Variants in KCNK13 observed in about 807,000 individuals in gnomAD.
KCNK13 encodes the protein potassium channel subfamily K member 13.
A neutral mutation model predicts 23.4 loss-of-function variants in KCNK13; 12 were observed. The ratio of observed to expected loss-of-function variants is 0.51; its 90% CI spans 0.33 to 0.83. KCNK13 has a LOEUF of 0.83. Among genes scored for constraint, KCNK13 ranks in the 40% least tolerant of loss-of-function variants. The pLI, the probability that KCNK13 is intolerant of heterozygous loss-of-function variation, is 0.02. For synonymous variants in KCNK13, 231 were observed against 229.5 expected (o/e 1.01, Z -0.06); for missense variants, 463 against 556.3 (o/e 0.83, Z 1.69).
chr14:90,105,652 G>GT (rs1027664321), intron 1 of KCNK13, among the ~76,000 whole-genome samples: 67 of 145,568 alleles, frequency 4.6e-4, no homozygotes, highest in South Asian at 1.3e-3. Flanking sequence ...CAAGGAAGTT[G>GT]TTTTTTTTTT....
At position 90,075,812 on chromosome 14, in the gene KCNK13, C is replaced by T. The variant is rs565607122; in HGVS notation, c.334+13273C>T. 5.3e-5 allele frequency among the ~76,000 whole-genome samples: 8 copies of T among 152,276 alleles called. No homozygotes were observed. The East Asian group carries it at 1.2e-3, about 22-fold the overall frequency. On this transcript the variant is annotated intron_variant, in intron 1 of 1. Transcript: ENST00000282146. The stretch of plus-strand genomic sequence containing the variant: ...TATCTTTTTTGATCTTCCCATCTTT[C>T]TCTCTAGTTTCATTCTTCTCATGCC...
At chr14:90,162,934 C>G (rs1890266265) in intron 1 of KCNK13, among the ~76,000 whole-genome samples, 1 of 152,092 alleles carries the variant, frequency 6.6e-6, no homozygotes, top group South Asian at 2.1e-4. Context: ...ATAAGAAAAA[C>G]CATAAATACC....
intron 1 of KCNK13, among the ~76,000 whole-genome samples, chr14:90,130,361 G>A (rs990444151): frequency 1.3e-4 from 20 of 151,552 alleles, no homozygotes; most frequent in African/African-American, 3.9e-4. Flanking sequence ...CACCACGCCC[G>A]GCTAATTTTT....
chr14:90,139,060 A>G (rs1246622719), intron 1 of KCNK13, among the ~76,000 whole-genome samples: 1 of 152,184 alleles, frequency 6.6e-6, no homozygotes, highest in Non-Finnish European at 1.5e-5. Context: ...CTCTAGAAGG[A>G]TAGAATCACA....
chr14:90,118,545 G>C (rs902206315), intron 1 of KCNK13, among the ~76,000 whole-genome samples: 2 of 152,158 alleles, frequency 1.3e-5, no homozygotes, highest in African/African-American at 4.8e-5. Context: ...TGGCTTTTAT[G>C]AATAGTGCTG....
intron 1 of KCNK13, among the ~76,000 whole-genome samples, chr14:90,104,675 A>G (rs759261451): frequency 8.6e-5 from 13 of 150,620 alleles, no homozygotes; most frequent in Non-Finnish European, 1.9e-4. Context: ...GATTAAGCCC[A>G]AGGGAGACGC....
chr14:90,149,651 G>A (rs767360754), intron 1 of KCNK13, among the ~76,000 whole-genome samples: 5 of 152,294 alleles, frequency 3.3e-5, no homozygotes, highest in Non-Finnish European at 5.9e-5. Flanking sequence ...ATTTGGGTGG[G>A]GACACAGCCA....
At chr14:90,174,073 G>A (rs542573157) in intron 1 of KCNK13, among the ~76,000 whole-genome samples, 15 of 152,192 alleles carry the variant, frequency 9.9e-5, no homozygotes, top group Middle Eastern at 6.8e-3. Context: ...TTGGGAGGCC[G>A]AGGCGGGCGG....
chr14:90,160,459 C>T (rs956084751), intron 1 of KCNK13, among the ~76,000 whole-genome samples: 9 of 152,104 alleles, frequency 5.9e-5, no homozygotes, highest in Non-Finnish European at 1.3e-4. Flanking sequence ...CCTGTACAAA[C>T]AGAAAGGGCA....
At chr14:90,090,456 CT>C (rs1350014400) in intron 1 of KCNK13, among the ~76,000 whole-genome samples, 2 of 152,200 alleles carry the variant, frequency 1.3e-5, no homozygotes, top group African/African-American at 4.8e-5. Context: ...AACTAACTTG[CT>C]TTTGATTTTA....
intron 1 of KCNK13, among the ~76,000 whole-genome samples, chr14:90,119,003 GCT>G (rs1889707120): frequency 6.6e-6 from 1 of 152,116 alleles, no homozygotes; most frequent in Non-Finnish European, 1.5e-5. Flanking sequence ...ATCAGAAACT[GCT>G]TTGAACACCT....
At chr14:90,121,029 C>T (rs1889733259) in intron 1 of KCNK13, among the ~76,000 whole-genome samples, 1 of 150,278 alleles carries the variant, frequency 6.7e-6, no homozygotes, top group Non-Finnish European at 1.5e-5. Flanking sequence ...GTAGCATTGG[C>T]CATAGGAGAA....
chr14:90,185,023 G>A lies in KCNK13; in HGVS notation c.*20G>A. On this transcript the variant is annotated 3_prime_UTR_variant, in exon 2 of 2. Transcript: ENST00000282146. The stretch of plus-strand genomic sequence containing the variant: ...AGGTAGAAGCCAGGAGTGGATGCTG[G>A]GCAGAGGCCAGAGTAGAATGGAGGA... The A allele has an allele frequency of 6.5e-7, 1 of 1,547,398 alleles. No individual in the cohort carries two copies. Among genetic ancestry groups the A allele is most frequent in the Non-Finnish European group, 8.7e-7 (1 of 1,149,040 alleles).
intron 1 of KCNK13, among the ~76,000 whole-genome samples, chr14:90,115,529 A>G (rs891973983): frequency 7.9e-5 from 12 of 152,134 alleles, no homozygotes; most frequent in Admixed American, 7.9e-4. Flanking sequence ...TTCAATTCAG[A>G]TGTCTGACCC....
chr14:90,176,481 C>G (rs1890423299), intron 1 of KCNK13, among the ~76,000 whole-genome samples: 1 of 152,080 alleles, frequency 6.6e-6, no homozygotes, highest in African/African-American at 2.4e-5. Context: ...TTTCTTCATC[C>G]CAGTTGACAT....
chr14:90,071,935 A>C (rs1228623948), intron 1 of KCNK13, among the ~76,000 whole-genome samples: 2 of 151,930 alleles, frequency 1.3e-5, no homozygotes, highest in East Asian at 3.9e-4. Context: ...GAGTAGGGGA[A>C]GATGGTGATC....
intron 1 of KCNK13, among the ~76,000 whole-genome samples, chr14:90,085,561 A>C (rs1208318124): frequency 1.3e-5 from 2 of 150,730 alleles, no homozygotes; most frequent in African/African-American, 4.9e-5. Flanking sequence ...CAGGAGTCTG[A>C]AGCAGGAGAA....
At chr14:90,118,204 T>C (rs1022808562) in intron 1 of KCNK13, among the ~76,000 whole-genome samples, 1 of 152,166 alleles carries the variant, frequency 6.6e-6, no homozygotes, top group Non-Finnish European at 1.5e-5. Flanking sequence ...CTTCTACATA[T>C]GTGTACAGGA....
chr14:90,182,184 A>G (rs11626563), intron 1 of KCNK13, among the ~76,000 whole-genome samples: 2 of 152,148 alleles, frequency 1.3e-5, no homozygotes, highest in East Asian at 1.9e-4. Context: ...TCCTGACTAC[A>G]TGCTGTTAAT....
Sources: allele counts gnomAD v4.1 joint callset (sites outside exome capture counted in the v4.1 genomes callset), GRCh38; gene constraint gnomAD v4.1.1; transcripts MANE v1.5; gene names NCBI Gene and HGNC (gene_info 2026-07-23, HGNC 2026-07-21).